MMP2: variants seen among roughly 807,000 people sequenced by gnomAD.
MMP2 encodes the protein 72 kDa type IV collagenase.
Under a neutral mutation model 74.8 loss-of-function variants are expected in MMP2, and 39 were observed. The ratio of observed to expected loss-of-function variants is 0.52; its 90% confidence interval spans 0.40 to 0.68. MMP2 has a LOEUF of 0.68. Ranked by LOEUF, MMP2 falls within the 30% of genes least tolerant of loss-of-function variation. MMP2 has a pLI of 0.00. For missense variants in MMP2, 803 were observed against 878.3 expected (o/e 0.91, Z 1.08); for synonymous variants, 367 against 339.8 (o/e 1.08, Z -0.88).
Position 55,484,056 on chromosome 16 carries a change from G to T in MMP2, c.421G>T (p.Asp141Tyr). 1 of 1,614,194 alleles carries T rather than the reference G, an allele frequency of 6.2e-7. No individual in the cohort carries two copies. Among genetic ancestry groups the T allele is most frequent in the African/African-American group, 1.3e-5 (1 of 75,044 alleles). The change falls in exon 3 of 13, where the codon GAT becomes TAT. Residue 141 changes from aspartate (D) to tyrosine (Y), a missense_variant. Asp to Tyr is a radical substitution (Grantham distance 160). Around this residue, in one of 3 missense-constraint regions of MMP2, gnomAD observed 223 missense variants for 232.8 expected, o/e 0.96. Transcript: ENST00000219070. The part of the protein sequence containing the change: ...YTPDLDPETV[D>Y]DAFARAFQVW... Reference sequence around the variant, plus strand: ...ACCTGATCTGGACCCAGAGACAGTGGATGATGCCTTTGCTCGTGCCTTCCA... The same window carrying T: ...ACCTGATCTGGACCCAGAGACAGTGTATGATGCCTTTGCTCGTGCCTTCCA...
At chr16:55,486,383 G>GTGTGTT (rs1323070735) in intron 5 of MMP2, among the ~76,000 whole-genome samples, 1 of 149,508 alleles carries the variant, frequency 6.7e-6, no homozygotes, top group Non-Finnish European at 1.5e-5. Context: ...GTGTGTGTGT[G>GTGTGTT]TGTGTGTCTG....
chr16:55,505,316 G>T (rs767135991), intron 12 of MMP2, 23 bp from the exon 13 acceptor site: 3 of 1,593,662 alleles, frequency 1.9e-6, no homozygotes, highest in Non-Finnish European at 2.6e-6. Flanking sequence ...AGGGGGTCAC[G>T]GTCTCTTCTT....
At chr16:55,489,857 G>A (rs757889138) in intron 7 of MMP2, 33 bp downstream of exon 7, 2 of 1,610,038 alleles carry the variant, frequency 1.2e-6, no homozygotes, top group Admixed American at 3.4e-5. Context: ...CAGAGACCCT[G>A]GACATTGCCC....
Position 55,505,569 on chromosome 16 carries a change from A to C in MMP2, c.*127A>C. 4 of 769,934 alleles carry C rather than the reference A, an allele frequency of 5.2e-6. No homozygotes were observed. The highest frequency in any genetic ancestry group is 9.2e-6 in the Non-Finnish European group (4 of 435,724). 47.7% of individuals were successfully genotyped at this position (769,934 alleles called of 1,614,324 possible). On this transcript the variant is annotated 3_prime_UTR_variant, in exon 13 of 13. Transcript: ENST00000219070. The stretch of plus-strand genomic sequence containing the variant: ...AGCTCTACAGCTAATCAGCATTCTC[A>C]CTCCTACCTGGTAATTTAAGATTCC...
In MMP2 at chr16:55,483,220, G is replaced by T; in HGVS notation, c.380+85G>T. 9 of 1,036,762 alleles carry T rather than the reference G, an allele frequency of 8.7e-6. No homozygotes were observed. In the South Asian group the frequency reaches 1.4e-4, roughly 16 times the overall value. The allele number at this position is 1,036,762 out of a possible 1,614,324, so 64.2% of individuals were successfully genotyped here. ...ACCCATGCATTCTCTCCACTCAGGG[G>T]ATCCATGAGGTGTCTTTTGTGAAGG... On this transcript the variant is annotated intron_variant, in intron 2 of 12. Coordinates refer to ENST00000219070, the MANE Select transcript of MMP2 (RefSeq NM_004530.6).
In MMP2 at chr16:55,505,965, T is replaced by C. The variant is rs141779983; in HGVS notation, c.*523T>C. 1.9e-3 allele frequency: 315 copies of C among 163,094 alleles called. 2 individuals carry two copies. The Middle Eastern group carries it at 0.022, about 12-fold the overall frequency. 10.1% of individuals were successfully genotyped at this position (163,094 alleles called of 1,614,324 possible). A position where few individuals can be genotyped will look rare whatever the true frequency, so the allele number is the denominator to read the frequency against. On this transcript the variant is annotated 3_prime_UTR_variant, in exon 13 of 13. Coordinates refer to ENST00000219070, the MANE Select transcript of MMP2 (RefSeq NM_004530.6). ...AGCAGTTTGCTTTGTATGCACTTTG[T>C]TTTTTTCTTTGGGTCTTGTTTTTTT...
intron 1 of MMP2, among the ~76,000 whole-genome samples, chr16:55,480,347 A>G (rs1289014249): frequency 1.3e-5 from 2 of 152,146 alleles, no homozygotes; most frequent in South Asian, 4.1e-4. Flanking sequence ...TGGGCCTCGG[A>G]AAGTTTCCTC....
intron 6 of MMP2, among the ~76,000 whole-genome samples, chr16:55,489,100 G>A (rs1247862393): frequency 8.5e-5 from 13 of 152,084 alleles, no homozygotes; most frequent in Admixed American, 5.9e-4. Flanking sequence ...CTTTTAGTCT[G>A]TTTTTTATTA....
chr16:55,485,868 G>T, intron 5 of MMP2, 91 bp downstream of exon 5: 1 of 1,392,946 alleles, frequency 7.2e-7, no homozygotes, highest in Non-Finnish European at 1.0e-6. Flanking sequence ...CACTCTCCAG[G>T]ACTGGCTGCC....
At chr16:55,482,816 C>G in intron 1 of MMP2, 93 bp from the exon 2 acceptor site, 1 of 1,090,586 alleles carries the variant, frequency 9.2e-7, no homozygotes, top group Non-Finnish European at 1.4e-6. Flanking sequence ...GACTATGGCA[C>G]TGGGTTGGGG....
chr16:55,490,181 C>G lies in MMP2; in HGVS notation c.1180+357C>G, dbSNP rs17859924. Reference sequence around the variant, plus strand: ...TGTGACTACCAAAATTGGCTGAATTCTGAGCACAGATTACCAGAGAGACAA... The same window carrying G: ...TGTGACTACCAAAATTGGCTGAATTGTGAGCACAGATTACCAGAGAGACAA... On this transcript the variant is annotated intron_variant, in intron 7 of 12. Coordinates refer to ENST00000219070, the MANE Select transcript of MMP2 (RefSeq NM_004530.6). 9.6e-4 allele frequency among the ~76,000 whole-genome samples: 146 copies of G among 152,310 alleles called. 3 individuals carry two copies. In the South Asian group the frequency reaches 0.029, roughly 30 times the overall value.
Position 55,488,363 on chromosome 16 carries a change from G to A in MMP2, c.833-180G>A, listed in dbSNP as rs1263782810. On this transcript the variant is annotated intron_variant, in intron 5 of 12. Coordinates refer to ENST00000219070, the MANE Select transcript of MMP2 (RefSeq NM_004530.6). ...GGGAGGGATTGGGATAACCAGGGAAGCAGGGGTTCTCTCTGGGAGCTCAGA... is the reference window on the plus strand; with the variant it reads ...GGGAGGGATTGGGATAACCAGGGAAACAGGGGTTCTCTCTGGGAGCTCAGA... 1.1e-5 allele frequency: 7 copies of A among 652,212 alleles called. No homozygotes were observed. In the African/African-American group the frequency reaches 1.3e-4, roughly 12 times the overall value. 40.4% of individuals were successfully genotyped at this position (652,212 alleles called of 1,614,324 possible).
At chr16:55,489,582 A>G in intron 6 of MMP2, 69 bp from the exon 7 acceptor site, 3 of 1,583,944 alleles carry the variant, frequency 1.9e-6, no homozygotes, top group South Asian at 1.1e-5. Context: ...GGTCAGCGTC[A>G]TGTCATTGCT....
rs1037702619 is a variant in MMP2, at chr16:55,500,250, C to T, written c.1769+1802C>T. Among the ~76,000 whole-genome samples, 39 of 152,102 alleles carry T rather than the reference C, an allele frequency of 2.6e-4. 1 individual carries two copies. Among genetic ancestry groups the T allele is most frequent in the Admixed American group, 2.2e-3 (33 of 15,258 alleles). On this transcript the variant is annotated intron_variant, in intron 11 of 12. Coordinates refer to ENST00000219070, the MANE Select transcript of MMP2 (RefSeq NM_004530.6). ...GTGCACGCACACGCACACACACACA[C>T]GCGTACTGCGAATGGCATCTCAGCA...
chr16:55,481,851 G>A (rs761866752), intron 1 of MMP2: 4 of 764,718 alleles, frequency 5.2e-6, no homozygotes, highest in South Asian at 4.2e-5. Context: ...TAAAAGAGAG[G>A]TAATCTTAGG....
chr16:55,492,946 G>A (rs555677982), intron 8 of MMP2, among the ~76,000 whole-genome samples: 12 of 152,276 alleles, frequency 7.9e-5, no homozygotes, highest in Non-Finnish European at 1.8e-4. Flanking sequence ...GGACTGATTT[G>A]GGTGATGTCA....
chr16:55,481,476 T>C (rs796807071), intron 1 of MMP2: 44 of 186,240 alleles, frequency 2.4e-4, no homozygotes, highest in African/African-American at 9.5e-4. Context: ...TGCATCCTGT[T>C]TTATCATAGG....
At position 55,488,654 on chromosome 16, in the gene MMP2, G is replaced by A. The variant is rs775859788; in HGVS notation, c.944G>A (p.Arg315His). 4.3e-6 allele frequency: 7 copies of A among 1,613,310 alleles called. No individual in the cohort carries two copies. The highest frequency in any genetic ancestry group is 3.3e-5 in the Admixed American group (2 of 59,940). Residue 315 changes from arginine (R) to histidine (H), a missense_variant, in exon 6 of 13, where the codon CGC (arginine) becomes CAC (histidine). Around this residue, in one of 3 missense-constraint regions of MMP2, gnomAD observed 555 missense variants for 592.0 expected, o/e 0.94. Coordinates refer to ENST00000219070, the MANE Select transcript of MMP2 (RefSeq NM_004530.6). ...CTTEGRTDGY[R>H]WCGTTEDYDR... Reference sequence around the variant, plus strand: ...ACTGAGGGCCGCACGGATGGCTACCGCTGGTGCGGCACCACTGAGGACTAC... The same window carrying A: ...ACTGAGGGCCGCACGGATGGCTACCACTGGTGCGGCACCACTGAGGACTAC...
chr16:55,498,416 G>A lies in MMP2; in HGVS notation c.1737G>A (p.Lys579=), dbSNP rs781523437. 16 of 1,614,102 alleles carry A rather than the reference G, an allele frequency of 9.9e-6. No individual in the cohort carries two copies. The South Asian group carries it at 1.8e-4, about 18-fold the overall frequency. Residue 579 remains lysine (K), a synonymous_variant, in exon 11 of 13, where the codon AAG becomes AAA. Transcript: ENST00000219070. Reference sequence around the variant, plus strand: ...CCTTTAACTGGAGCAAAAACAAGAAGACATACATCTTTGCTGGAGACAAAT... The same window carrying A: ...CCTTTAACTGGAGCAAAAACAAGAAAACATACATCTTTGCTGGAGACAAAT... ...DAAFNWSKNK[K]TYIFAGDKFW...
Sources: allele counts gnomAD v4.1 joint callset (sites outside exome capture counted in the v4.1 genomes callset), GRCh38; gene constraint gnomAD v4.1.1; regional missense constraint gnomAD v4.1.1; transcripts MANE v1.5; gene names NCBI Gene and HGNC (gene_info 2026-07-23, HGNC 2026-07-21).